PCDHGB7: variants seen among roughly 807,000 people sequenced by gnomAD.
PCDHGB7 encodes protocadherin gamma subfamily B, 7.
In PCDHGB7, 37 loss-of-function variants were observed where a neutral mutation model predicts 61.4. The ratio of observed to expected loss-of-function variants is 0.60; its 90% CI spans 0.46 to 0.79. The LOEUF (loss-of-function observed/expected upper bound fraction) is 0.79, where lower values mean the gene tolerates loss of function less well. Ranked by LOEUF, PCDHGB7 falls within the 30% of genes least tolerant of loss-of-function variation. PCDHGB7 has a pLI of 0.00. For missense variants in PCDHGB7, 1,166 were observed against 1,202.5 expected (o/e 0.97, Z 0.45); for synonymous variants, 464 against 503.5 (o/e 0.92, Z 1.05).
intron 1 of PCDHGB7, among the ~76,000 whole-genome samples, chr5:141,457,067 G>A (rs946526462): frequency 1.3e-5 from 2 of 152,166 alleles, no homozygotes; most frequent in Non-Finnish European, 2.9e-5. Flanking sequence ...CTTTTTGCCA[G>A]TAACTATTAT....
At position 141,419,306 on chromosome 5, in the gene PCDHGB7, C is replaced by A; in HGVS notation, c.1447C>A (p.Leu483Ile). ...QVSASDPDFG[L>I]NGRVSYSLIA... Reference sequence around the variant, plus strand: ...CAGTGCCTCTGACCCAGACTTCGGGCTCAACGGCCGTGTCTCCTACTCTCT... The same window carrying A: ...CAGTGCCTCTGACCCAGACTTCGGGATCAACGGCCGTGTCTCCTACTCTCT... Residue 483 changes from leucine to isoleucine, a missense_variant, in exon 1 of 4, where the codon CTC becomes ATC. Transcript: ENST00000398594. The A allele has an allele frequency of 1.9e-6, 3 of 1,614,032 alleles. No individual in the cohort carries two copies. Among genetic ancestry groups the A allele is most frequent in the Non-Finnish European group, 2.5e-6 (3 of 1,179,902 alleles).
intron 1 of PCDHGB7, chr5:141,421,421 T>A (rs982627903): frequency 6.2e-7 from 1 of 1,613,876 alleles, no homozygotes; most frequent in Non-Finnish European, 8.5e-7. Flanking sequence ...AAGCGCGGAG[T>A]CCGCATCGTC....
At chr5:141,460,456 T>C (rs2098989632) in intron 1 of PCDHGB7, among the ~76,000 whole-genome samples, 1 of 152,124 alleles carries the variant, frequency 6.6e-6, no homozygotes, top group South Asian at 2.1e-4. Flanking sequence ...AAGATTCATA[T>C]TTTTTTCCAA....
Position 141,477,952 on chromosome 5 carries a change from A to T in PCDHGB7, c.2416-16855A>T, listed in dbSNP as rs907708638. ...CCTGGCTCTCCTACAGTCTCTTGGG[A>T]TCCCCTAACCAGAGCCTTTTTGCCA... On this transcript the variant is annotated intron_variant, in intron 1 of 3. Coordinates refer to ENST00000398594, the MANE Select transcript of PCDHGB7 (RefSeq NM_018927.4). This position sits in a 1 kb window ranked among gnomAD's most constrained non-coding sequence, Gnocchi z 4.9. The T allele has an allele frequency of 1.9e-6, 3 of 1,613,920 alleles. No individual in the cohort carries two copies. The African/African-American group carries it at 4.0e-5, about 22-fold the overall frequency.
At chr5:141,480,722 C>T (rs1002559431) in intron 1 of PCDHGB7, among the ~76,000 whole-genome samples, 1 of 152,174 alleles carries the variant, frequency 6.6e-6, no homozygotes, top group African/African-American at 2.4e-5. Flanking sequence ...AAAGCACAGT[C>T]TCTGGGGGTG....
chr5:141,451,497 G>T (rs2098717489), intron 1 of PCDHGB7, among the ~76,000 whole-genome samples: 1 of 152,214 alleles, frequency 6.6e-6, no homozygotes, highest in Admixed American at 6.5e-5. Flanking sequence ...CCTCCATAGG[G>T]CAACCAGCTT....
At chr5:141,428,185 G>T (rs775261215) in intron 1 of PCDHGB7, 286 of 1,446,232 alleles carry the variant, frequency 2.0e-4, no homozygotes, top group Non-Finnish European at 2.5e-4. Context: ...GAGGACAGCC[G>T]CCGCTCTCTG....
intron 1 of PCDHGB7, among the ~76,000 whole-genome samples, chr5:141,483,522 C>G (rs557644901): frequency 9.3e-6 from 1 of 107,172 alleles, no homozygotes; most frequent in African/African-American, 3.9e-5. Flanking sequence ...TAGATCCTGA[C>G]TAAGGAAGCT....
intron 1 of PCDHGB7, among the ~76,000 whole-genome samples, chr5:141,446,824 A>T (rs973108119): frequency 1.3e-5 from 2 of 152,156 alleles, no homozygotes; most frequent in African/African-American, 4.8e-5. Flanking sequence ...AGATGGGTAG[A>T]TCCTTATAAG....
intron 2 of PCDHGB7, among the ~76,000 whole-genome samples, chr5:141,505,026 G>A (rs190826538): frequency 4.6e-5 from 7 of 152,316 alleles, no homozygotes; most frequent in African/African-American, 1.7e-4. Context: ...GCCTGGCACA[G>A]TGGCAGGTGC....
At chr5:141,488,978 C>T (rs1346335195) in intron 1 of PCDHGB7, 4 of 388,976 alleles carry the variant, frequency 1.0e-5, no homozygotes, top group African/African-American at 2.1e-5. Flanking sequence ...GCCAATCAGA[C>T]TCAGAGCTGA....
Position 141,425,635 on chromosome 5 carries a change from T to C in PCDHGB7, c.2415+5361T>C, listed in dbSNP as rs376675545. On this transcript the variant is annotated intron_variant, in intron 1 of 3. Coordinates refer to ENST00000398594, the MANE Select transcript of PCDHGB7 (RefSeq NM_018927.4). ...TCAGTGCTCCTCCAGTTTTCTCTGA[T>C]AAAACTAGGAGGAAAATTATCTGCA... Among the ~76,000 whole-genome samples, 51 of 152,354 alleles carry C rather than the reference T, an allele frequency of 3.3e-4. 1 individual carries two copies. The South Asian group carries it at 0.01, about 30-fold the overall frequency.
chr5:141,419,793 C>T lies in PCDHGB7; in HGVS notation c.1934C>T (p.Ala645Val). Residue 645 changes from alanine to valine, a missense_variant, in exon 1 of 4, where the codon GCT becomes GTT. Transcript: ENST00000398594. ...TCGGTCCGCCAGCGCCTGCTAGTCG[C>T]TGTAAGAGATGGAGGACAGCCACCC... ...KDSVRQRLLV[A>V]VRDGGQPPLS... The T allele has an allele frequency of 6.2e-7, 1 of 1,614,072 alleles. No homozygotes were observed. The highest frequency in any genetic ancestry group is 2.2e-5 in the East Asian group (1 of 44,888).
At position 141,485,480 on chromosome 5, in the gene PCDHGB7, A is replaced by G. The variant is rs535194185; in HGVS notation, c.2416-9327A>G. On this transcript the variant is annotated intron_variant, in intron 1 of 3. Transcript: ENST00000398594. The surrounding 1 kb of genome is among the most constrained non-coding windows in gnomAD (Gnocchi z 5.7). Reference sequence around the variant, plus strand: ...ACTGTGTGGGCTCAGTGCCAGCTGCATCGTGCCCCTGGAGTTTGTCACCGA... The same window carrying G: ...ACTGTGTGGGCTCAGTGCCAGCTGCGTCGTGCCCCTGGAGTTTGTCACCGA... The G allele has an allele frequency of 2.5e-6, 4 of 1,614,154 alleles. No individual in the cohort carries two copies. The South Asian group carries it at 3.3e-5, about 13-fold the overall frequency.
chr5:141,437,651 CAT>C (rs1255783396), intron 1 of PCDHGB7, among the ~76,000 whole-genome samples: 2 of 151,990 alleles, frequency 1.3e-5, no homozygotes, highest in Non-Finnish European at 2.9e-5. Context: ...AAAGCAAACA[CAT>C]AGTTTCGAAG....
At chr5:141,425,363 A>C (rs2096870488) in intron 1 of PCDHGB7, among the ~76,000 whole-genome samples, 1 of 152,212 alleles carries the variant, frequency 6.6e-6, no homozygotes, top group Non-Finnish European at 1.5e-5. Context: ...TGATATTAAG[A>C]GGGTTATGTT....
intron 1 of PCDHGB7, chr5:141,430,824 C>T: frequency 6.5e-7 from 1 of 1,547,704 alleles, no homozygotes; most frequent in Non-Finnish European, 8.7e-7. Flanking sequence ...CTCCTGGGGA[C>T]TCTGTGGGAG....
chr5:141,449,588 CAA>C (rs768743917), intron 1 of PCDHGB7, among the ~76,000 whole-genome samples: 5 of 57,502 alleles, frequency 8.7e-5, no homozygotes, highest in Admixed American at 1.8e-4. Flanking sequence ...GACTCTGTCT[CAA>C]AAAAAAAAAA....
At position 141,432,119 on chromosome 5, in the gene PCDHGB7, C is replaced by T. The variant is rs1273427353; in HGVS notation, c.2415+11845C>T. On this transcript the variant is annotated intron_variant, in intron 1 of 3. Transcript: ENST00000398594. The surrounding 1 kb of genome is among the most constrained non-coding windows in gnomAD (Gnocchi z 6.0). ...CAACGACAACCCGCCGGTCTTCCCT[C>T]AGGCCTCCTATTCCGCTTATATCCC... is the stretch of plus-strand genomic sequence containing the variant. 7 of 1,614,184 alleles carry T rather than the reference C, an allele frequency of 4.3e-6. No homozygotes were observed. Among genetic ancestry groups the T allele is most frequent in the Non-Finnish European group, 5.9e-6 (7 of 1,180,032 alleles).
Sources: gnomAD v4.1 joint callset for allele counts (sites outside exome capture counted in the v4.1 genomes callset) on GRCh38, gnomAD v4.1.1 for gene constraint, Gnocchi (gnomAD v3.1) non-coding constraint, MANE v1.5 for transcripts, NCBI Gene and HGNC (gene_info 2026-07-23, HGNC 2026-07-21) for gene names.